Variants in TTC39C observed in about 807,000 individuals in gnomAD.
TTC39C encodes the protein tetratricopeptide repeat domain 39C.
In TTC39C, 33 loss-of-function variants were observed where a neutral mutation model predicts 76.3. The ratio of observed to expected loss-of-function variants is 0.43; its 90% CI spans 0.33 to 0.58. TTC39C has a LOEUF of 0.58. Among genes scored for constraint, TTC39C ranks in the 20% least tolerant of loss-of-function variants. The probability of loss-of-function intolerance (pLI) is 0.04; values close to 1 mark genes in which losing one functional copy is unlikely to be tolerated. For synonymous variants in TTC39C, 254 were observed against 260.6 expected (o/e 0.97, Z 0.24); for missense variants, 595 against 701.4 (o/e 0.85, Z 1.71).
chr18:24,025,132 G>A (rs981163292), intron 1 of TTC39C, among the ~76,000 whole-genome samples: 1 of 152,186 alleles, frequency 6.6e-6, no homozygotes, highest in African/African-American at 2.4e-5. Context: ...GCCTCTAAAA[G>A]TGCTGGGATT....
At chr18:24,123,400 T>G (rs1186409797) in intron 8 of TTC39C, among the ~76,000 whole-genome samples, 2 of 151,996 alleles carry the variant, frequency 1.3e-5, no homozygotes, top group East Asian at 1.9e-4. Flanking sequence ...TTTGTTTGTT[T>G]GTTTGTTTGT....
chr18:24,117,801 C>G (rs191553599), intron 7 of TTC39C, among the ~76,000 whole-genome samples: 1 of 151,860 alleles, frequency 6.6e-6, no homozygotes, highest in East Asian at 1.9e-4. Flanking sequence ...TGTGTGTACT[C>G]TTGGAGAAGT....
rs1340114605 is a variant in TTC39C, at chr18:24,042,520, G to C, written c.168-21620G>C. ...GCTCGCCTGCTGCTCACCTCCTGCT[G>C]TGTGGCCCAGTTCCTAACAGGCCAT... is the stretch of plus-strand genomic sequence containing the variant. On this transcript the variant is annotated intron_variant, in intron 1 of 13. Transcript: ENST00000317571. Among the ~76,000 whole-genome samples the C allele has an allele frequency of 4.6e-5, 7 of 152,198 alleles. No individual in the cohort carries two copies. The South Asian group carries it at 1.4e-3, about 32-fold the overall frequency.
At chr18:24,047,062 A>G (rs2083893936) in intron 1 of TTC39C, among the ~76,000 whole-genome samples, 1 of 151,782 alleles carries the variant, frequency 6.6e-6, no homozygotes, top group Admixed American at 6.6e-5. Flanking sequence ...GCAGTTTCTT[A>G]AGAAGATATA....
intron 1 of TTC39C, among the ~76,000 whole-genome samples, chr18:24,008,988 G>C (rs150008654): frequency 0.013 from 1,920 of 152,308 alleles, 36 homozygotes; most frequent in African/African-American, 0.044. Flanking sequence ...TTATAAGTGA[G>C]AGCTAAATGA....
At chr18:24,031,996 G>C (rs1398862720) in intron 1 of TTC39C, among the ~76,000 whole-genome samples, 1 of 152,294 alleles carries the variant, frequency 6.6e-6, no homozygotes, top group East Asian at 1.9e-4. Context: ...ACACGCAGAA[G>C]GTGGCGAAAT....
intron 1 of TTC39C, among the ~76,000 whole-genome samples, chr18:24,007,291 AT>A (rs1030237675): frequency 2.6e-4 from 39 of 152,376 alleles, no homozygotes; most frequent in Admixed American, 1.7e-3. Context: ...AATATTATCT[AT>A]TTCTTTGTCC....
chr18:24,119,207 T>C (rs1428112792), intron 8 of TTC39C, among the ~76,000 whole-genome samples: 1 of 152,198 alleles, frequency 6.6e-6, no homozygotes, highest in Non-Finnish European at 1.5e-5. Flanking sequence ...CATCCTTCAA[T>C]ACCTAAAAGG....
At chr18:24,038,065 A>G (rs887439252) in intron 1 of TTC39C, among the ~76,000 whole-genome samples, 1 of 152,084 alleles carries the variant, frequency 6.6e-6, no homozygotes, top group African/African-American at 2.4e-5. Flanking sequence ...GGCACCATTT[A>G]CCTCTTATAA....
At chr18:24,004,590 AT>A (rs1277307852) in intron 1 of TTC39C, among the ~76,000 whole-genome samples, 50 of 152,204 alleles carry the variant, frequency 3.3e-4, no homozygotes, top group African/African-American at 1.1e-3. Flanking sequence ...CTCCAGATGT[AT>A]ACATTGCTGC....
At chr18:24,117,376 C>T (rs572863355) in intron 7 of TTC39C, among the ~76,000 whole-genome samples, 2 of 152,276 alleles carry the variant, frequency 1.3e-5, no homozygotes, top group East Asian at 3.9e-4. Flanking sequence ...CCTAATTTCT[C>T]ATTGGCTTGC....
chr18:24,023,972 A>ATCTATATCTATATCTATATCTATATC (rs1555766845), intron 1 of TTC39C, among the ~76,000 whole-genome samples: 2 of 12,440 alleles, frequency 1.6e-4, no homozygotes, highest in Non-Finnish European at 2.4e-4. Context: ...ATATATATAT[A>ATCTATATCTATATCTATATCTATATC]TATATATACA....
intron 1 of TTC39C, among the ~76,000 whole-genome samples, chr18:24,023,945 T>TATA (rs2083548244): frequency 3.1e-5 from 2 of 63,664 alleles, no homozygotes; most frequent in South Asian, 6.9e-4. Context: ...TATATATATA[T>TATA]GCATGTATAT....
intron 4 of TTC39C, among the ~76,000 whole-genome samples, chr18:24,076,332 C>G (rs562831831): frequency 6.6e-6 from 1 of 152,154 alleles, no homozygotes; most frequent in Non-Finnish European, 1.5e-5. Flanking sequence ...ACAGCGATAA[C>G]GACAGCTGAA....
At chr18:24,054,402 T>C (rs2083990379) in intron 1 of TTC39C, among the ~76,000 whole-genome samples, 1 of 152,236 alleles carries the variant, frequency 6.6e-6, no homozygotes, top group Non-Finnish European at 1.5e-5. Flanking sequence ...ACTTAAATGA[T>C]GCATTTTTCT....
chr18:24,033,832 G>A (rs1445959612), intron 1 of TTC39C, among the ~76,000 whole-genome samples: 1 of 152,258 alleles, frequency 6.6e-6, no homozygotes, highest in African/African-American at 2.4e-5. Flanking sequence ...TTCACAGACA[G>A]CAAAGAGTGT....
chr18:24,084,580 T>C (rs1442447323), intron 6 of TTC39C, among the ~76,000 whole-genome samples: 2 of 152,196 alleles, frequency 1.3e-5, no homozygotes, highest in Non-Finnish European at 2.9e-5. Context: ...TTTGTTCTCA[T>C]TATCTTGCAA....
rs990510350 is a variant in TTC39C, at chr18:24,016,808, G to A, written c.167+1770G>A. ...GCTAGGTGCTGTCTGCTTGTATTTT[G>A]AAATGGGAACTGAAGATAAGGCAGG... On this transcript the variant is annotated intron_variant, in intron 1 of 13. Coordinates refer to ENST00000317571, the MANE Select transcript of TTC39C (RefSeq NM_001135993.2). 18 of 398,444 alleles carry A rather than the reference G, an allele frequency of 4.5e-5. No individual in the cohort carries two copies. In the East Asian group the frequency reaches 6.1e-4, roughly 13 times the overall value. The allele number at this position is 398,444 out of a possible 1,614,324, so 24.7% of individuals were successfully genotyped here.
intron 1 of TTC39C, among the ~76,000 whole-genome samples, chr18:23,999,248 G>A (rs879550809): frequency 6.6e-6 from 1 of 152,130 alleles, no homozygotes; most frequent in Admixed American, 6.5e-5. Flanking sequence ...CAGAGCCTGA[G>A]GCCAAGTTTA....
Sources: allele counts gnomAD v4.1 joint callset (sites outside exome capture counted in the v4.1 genomes callset), GRCh38; gene constraint gnomAD v4.1.1; transcripts MANE v1.5; gene names NCBI Gene and HGNC (gene_info 2026-07-23, HGNC 2026-07-21).